The following ADAMTS2 variants were observed in gnomAD, a reference collection of about 807,000 sequenced individuals.
ADAMTS2 encodes A disintegrin and metalloproteinase with thrombospondin motifs 2.
ADAMTS2 carries 50 observed loss-of-function variants against 123.0 expected under a neutral mutation model. The observed-to-expected ratio is 0.41, with a 90% confidence interval of 0.32 to 0.51. The LOEUF (loss-of-function observed/expected upper bound fraction) is 0.51. Ranked by LOEUF, ADAMTS2 falls within the 20% of genes least tolerant of loss-of-function variation. The pLI is 0.35. For synonymous variants in ADAMTS2, 678 were observed against 695.4 expected, an observed-to-expected ratio of 0.98 and a Z score of 0.39; for missense variants, 1,494 against 1,705.2, an observed-to-expected ratio of 0.88 and a Z score of 2.18.
intron 4 of ADAMTS2, among the ~76,000 whole-genome samples, chr5:179,187,424 C>A (rs1262759280): frequency 6.6e-6 from 1 of 152,276 alleles, no homozygotes; most frequent in Non-Finnish European, 1.5e-5. Context: ...ACTTGCCGTG[C>A]AACTGCTCCC....
At chr5:179,126,178 C>G in intron 17 of ADAMTS2, 48 bp from the exon 18 acceptor site, 1 of 1,611,690 alleles carries the variant, frequency 6.2e-7, no homozygotes, top group Non-Finnish European at 8.5e-7. Flanking sequence ...CATGCCCTGC[C>G]CGAGGGTGCA....
chr5:179,244,227 A>C (rs1291952732), intron 3 of ADAMTS2, among the ~76,000 whole-genome samples: 1 of 152,230 alleles, frequency 6.6e-6, no homozygotes, highest in Non-Finnish European at 1.5e-5. Flanking sequence ...ACATCATAGT[A>C]AAAATGCCGA....
intron 5 of ADAMTS2, among the ~76,000 whole-genome samples, chr5:179,174,114 C>T (rs1377689114): frequency 5.9e-5 from 9 of 152,032 alleles, no homozygotes; most frequent in Admixed American, 5.9e-4. Context: ...CAAAGTGTGC[C>T]TGCTTCATTC....
rs964360838 is a variant in ADAMTS2 at position 179,113,608 on chromosome 5, A to G, written c.*259T>C. On this transcript the variant is annotated 3_prime_UTR_variant, in exon 22 of 22. Coordinates refer to ENST00000251582, the MANE Select transcript of ADAMTS2 (RefSeq NM_014244.5). The stretch of plus-strand genomic sequence containing the variant: ...TGCCCTGCCCTCACTGAGGGAGGCC[A>G]TACAGCCTCTATATTCCTCTCCACT... The G allele has an allele frequency of 1.9e-5, 10 of 525,690 alleles. No individual in the cohort carries two copies. The highest frequency in any genetic ancestry group is 9.6e-5 in the African/African-American group (5 of 52,334). 32.6% of individuals were successfully genotyped at this position (525,690 alleles called of 1,614,324 possible).
chr5:179,126,207 CAGCAGT>C, intron 17 of ADAMTS2, 77 bp from the exon 18 acceptor site: 1 of 1,587,026 alleles, frequency 6.3e-7, no homozygotes, highest in Non-Finnish European at 8.6e-7. Flanking sequence ...TGGGCTGCAC[CAGCAGT>C]GCTGGCCTCG....
chr5:179,127,912 T>A, intron 17 of ADAMTS2, 47 bp downstream of exon 17: 1 of 1,610,564 alleles, frequency 6.2e-7, no homozygotes, highest in Non-Finnish European at 8.5e-7. Flanking sequence ...TACCTTCTCG[T>A]GGTCACCCTC....
chr5:179,295,078 G>A (rs372944745), intron 2 of ADAMTS2, among the ~76,000 whole-genome samples: 12 of 152,250 alleles, frequency 7.9e-5, no homozygotes, highest in African/African-American at 2.7e-4. Context: ...ACTGGAGGCT[G>A]CTGGGTTTGT....
rs1166851984 is a variant in ADAMTS2 at position 179,129,903 on chromosome 5, T to C, written c.2457+29A>G. 6.2e-7 allele frequency: 1 copy of C among 1,613,062 alleles called. No individual in the cohort carries two copies. Among genetic ancestry groups the C allele is most frequent in the South Asian group, 1.1e-5 (1 of 91,064 alleles). On this transcript the variant is annotated intron_variant, in intron 16 of 21. Coordinates refer to ENST00000251582, the MANE Select transcript of ADAMTS2 (RefSeq NM_014244.5). The surrounding 1 kb of genome is among the most constrained non-coding windows in gnomAD (Gnocchi z 4.1). ...CTCCCCCAGTGGCCACCCGCACCCT[T>C]CCCTGGGCCCAGCCCTGCTTGGACT...
intron 1 of ADAMTS2, among the ~76,000 whole-genome samples, chr5:179,344,459 C>A (rs1009127307): frequency 6.6e-6 from 1 of 152,200 alleles, no homozygotes; most frequent in African/African-American, 2.4e-5. Context: ...TGGGAACCTC[C>A]CCGTGCCCGA....
rs1762609892 is a variant in ADAMTS2, at chr5:179,113,664, G to A, written c.*203C>T. On this transcript the variant is annotated 3_prime_UTR_variant, in exon 22 of 22. Coordinates refer to ENST00000251582, the MANE Select transcript of ADAMTS2 (RefSeq NM_014244.5). The stretch of plus-strand genomic sequence containing the variant: ...CCTGACGCCACCACAGTATTTGGTC[G>A]CTCCTGGGCTGGGAAGCACACGTGC... 3.1e-5 allele frequency: 19 copies of A among 612,174 alleles called. No individual in the cohort carries two copies. Among genetic ancestry groups the A allele is most frequent in the Admixed American group, 5.6e-5 (2 of 35,594 alleles). 37.9% of individuals were successfully genotyped at this position (612,174 alleles called of 1,614,324 possible).
At chr5:179,249,056 A>G (rs1373598012) in intron 3 of ADAMTS2, among the ~76,000 whole-genome samples, 1 of 152,204 alleles carries the variant, frequency 6.6e-6, no homozygotes, top group East Asian at 1.9e-4. Context: ...ACCACAGTGG[A>G]ATAAAACTAG....
At position 179,312,648 on chromosome 5, in the gene ADAMTS2, G is replaced by C. The variant is rs1246200885; in HGVS notation, c.534+31119C>G. On this transcript the variant is annotated intron_variant, in intron 2 of 21. Transcript: ENST00000251582. This position sits in a 1 kb window ranked among gnomAD's most constrained non-coding sequence, Gnocchi z 4.2. ...AAGGCAGAGCAAGATGAGCCAGGCA[G>C]AGGAGAAGGCCACGTACAGGCAGAG... 6.6e-6 allele frequency among the ~76,000 whole-genome samples: 1 copy of C among 152,242 alleles called. No individual in the cohort carries two copies. The highest frequency in any genetic ancestry group is 1.5e-5 in the Non-Finnish European group (1 of 68,034).
intron 2 of ADAMTS2, among the ~76,000 whole-genome samples, chr5:179,283,555 A>AAAG (rs1215438973): frequency 6.7e-6 from 1 of 149,992 alleles, no homozygotes; most frequent in Non-Finnish European, 1.5e-5. Flanking sequence ...ACAGCAAAAA[A>AAAG]AAAAAAAAAA....
rs184732586 is a variant in ADAMTS2, at chr5:179,113,684, A to G, written c.*183T>C. 8.5e-4 allele frequency: 564 copies of G among 663,646 alleles called. No homozygotes were observed. Among genetic ancestry groups the G allele is most frequent in the Non-Finnish European group, 1.2e-3 (460 of 383,390 alleles). 41.1% of individuals were successfully genotyped at this position (663,646 alleles called of 1,614,324 possible). A position where few individuals can be genotyped will look rare whatever the true frequency, so the allele number is the denominator to read the frequency against. ...TGGTCGCTCCTGGGCTGGGAAGCACACGTGCTAACCTAGTTACCACATGCT... is the reference window on the plus strand; with the variant it reads ...TGGTCGCTCCTGGGCTGGGAAGCACGCGTGCTAACCTAGTTACCACATGCT... On this transcript the variant is annotated 3_prime_UTR_variant, in exon 22 of 22. Coordinates refer to ENST00000251582, the MANE Select transcript of ADAMTS2 (RefSeq NM_014244.5).
intron 21 of ADAMTS2, 112 bp downstream of exon 21, chr5:179,121,549 C>G: frequency 1.1e-6 from 1 of 875,044 alleles, no homozygotes; most frequent in African/African-American, 1.7e-5. Context: ...AGCGCGCCCG[C>G]AGAGTCAGGG....
At chr5:179,151,902 G>C (rs546447941) in intron 10 of ADAMTS2, among the ~76,000 whole-genome samples, 76 of 152,198 alleles carry the variant, frequency 5.0e-4, no homozygotes, top group Non-Finnish European at 8.8e-4. Context: ...TGAGTGGGGG[G>C]CATGAAGCAC....
chr5:179,176,166 C>T (rs1172356498), intron 5 of ADAMTS2, among the ~76,000 whole-genome samples: 1 of 152,176 alleles, frequency 6.6e-6, no homozygotes, highest in African/African-American at 2.4e-5. Flanking sequence ...CCTTTAAATA[C>T]AATCTTGGTT....
intron 3 of ADAMTS2, among the ~76,000 whole-genome samples, chr5:179,223,929 G>A (rs1765207926): frequency 6.6e-6 from 1 of 152,238 alleles, no homozygotes; most frequent in Non-Finnish European, 1.5e-5. Context: ...TAAGTCCCCA[G>A]GTACCCACAT....
chr5:179,252,833 T>C (rs1040822483), intron 3 of ADAMTS2, among the ~76,000 whole-genome samples: 1 of 152,218 alleles, frequency 6.6e-6, no homozygotes, highest in Admixed American at 6.5e-5. Flanking sequence ...CCAACACCAA[T>C]TGGAAAAAAA....
Sources: allele counts gnomAD v4.1 joint callset (sites outside exome capture counted in the v4.1 genomes callset), GRCh38; gene constraint gnomAD v4.1.1; non-coding constraint Gnocchi (gnomAD v3.1); transcripts MANE v1.5; gene names NCBI Gene and HGNC (gene_info 2026-07-23, HGNC 2026-07-21).